The following NBEAL1 variants were observed in gnomAD, a reference collection of about 807,000 sequenced individuals.
NBEAL1 encodes neurobeachin-like protein 1.
NBEAL1 carries 273 observed loss-of-function variants against 351.3 expected under a neutral mutation model. The ratio of observed to expected loss-of-function variants is 0.78; its 90% CI spans 0.70 to 0.86. The LOEUF is 0.86. NBEAL1 is among the 40% of genes least tolerant of loss of function. The probability of loss-of-function intolerance (pLI) is 0.00; values close to 1 mark genes in which losing one functional copy is unlikely to be tolerated. For missense variants in NBEAL1, 2,961 were observed against 3,201.3 expected, an observed-to-expected ratio of 0.92 and a Z score of 1.81; for synonymous variants, 1,050 against 1,086.4, an observed-to-expected ratio of 0.97 and a Z score of 0.66.
intron 18 of NBEAL1, 91 bp downstream of exon 18, chr2:203,116,161 A>G: frequency 1.1e-6 from 1 of 877,236 alleles, no homozygotes; most frequent in Non-Finnish European, 1.8e-6. Context: ...TCATTGGGTA[A>G]TTAAAAGGAG....
intron 16 of NBEAL1, 27 bp downstream of exon 16, chr2:203,112,125 G>A (rs1574985482): frequency 2.6e-6 from 4 of 1,532,300 alleles, no homozygotes; most frequent in Middle Eastern, 1.7e-4. Flanking sequence ...TACTCTTTAC[G>A]GGCCCTATTG....
intron 46 of NBEAL1, among the ~76,000 whole-genome samples, chr2:203,192,961 T>G (rs1195099757): frequency 7.9e-6 from 1 of 127,110 alleles, no homozygotes; most frequent in Non-Finnish European, 1.7e-5. Context: ...TTTTCTTTCT[T>G]TCTTTTTTTT....
At chr2:203,166,332 C>A in intron 37 of NBEAL1, 35 bp downstream of exon 37, 2 of 1,572,200 alleles carry the variant, frequency 1.3e-6, no homozygotes, top group South Asian at 2.4e-5. Flanking sequence ...TTTTGCTGTT[C>A]AATAATTAAG....
intron 29 of NBEAL1, among the ~76,000 whole-genome samples, chr2:203,137,189 A>C (rs1424331572): frequency 6.6e-6 from 1 of 152,212 alleles, no homozygotes; most frequent in Non-Finnish European, 1.5e-5. Flanking sequence ...TCCAACCCAC[A>C]GGTTGCAGGC....
chr2:203,120,632 A>G (rs1242292629), intron 18 of NBEAL1, among the ~76,000 whole-genome samples: 1 of 152,232 alleles, frequency 6.6e-6, no homozygotes, highest in African/African-American at 2.4e-5. Flanking sequence ...AGGTCACATT[A>G]GAGCAAACCT....
At chr2:203,046,585 G>A (rs1264739368) in intron 3 of NBEAL1, among the ~76,000 whole-genome samples, 1 of 152,076 alleles carries the variant, frequency 6.6e-6, no homozygotes, top group Non-Finnish European at 1.5e-5. Flanking sequence ...TAAGACACCA[G>A]CAGATTTGGT....
chr2:203,073,574 G>A (rs918799258), intron 7 of NBEAL1, among the ~76,000 whole-genome samples: 1 of 152,072 alleles, frequency 6.6e-6, no homozygotes, highest in South Asian at 2.1e-4. Context: ...CCAGGGGTTC[G>A]GGGCTATAGT....
intron 20 of NBEAL1, 52 bp from the exon 21 acceptor site, chr2:203,125,908 T>C: frequency 7.1e-7 from 1 of 1,412,544 alleles, no homozygotes; most frequent in Non-Finnish European, 9.4e-7. Flanking sequence ...GAAAATGTGA[T>C]ATAAAAGTGA....
intron 10 of NBEAL1, among the ~76,000 whole-genome samples, chr2:203,094,150 A>G (rs985315467): frequency 6.6e-6 from 1 of 152,214 alleles, no homozygotes; most frequent in East Asian, 1.9e-4. Flanking sequence ...CCCTAAGTCC[A>G]TTGTAATATA....
chr2:203,191,112 C>T (rs1357987771), intron 46 of NBEAL1: 3 of 1,597,428 alleles, frequency 1.9e-6, no homozygotes, highest in Non-Finnish European at 2.5e-6. Flanking sequence ...AGATCGTCAA[C>T]ATTGTTCGAC....
Position 203,169,815 on chromosome 2 carries a change from A to C in NBEAL1, c.6066A>C (p.Ser2022=), listed in dbSNP as rs2064263299. 6.2e-7 allele frequency: 1 copy of C among 1,609,558 alleles called. No individual in the cohort carries two copies. Among genetic ancestry groups the C allele is most frequent in the East Asian group, 2.2e-5 (1 of 44,650 alleles). ...CAAATAGTTATTATGGAAGCAGATC[A>C]CCACAGGAGTTATTCAAAGCATCAG... The part of the protein sequence containing the change: ...HSPNSYYGSR[S]PQELFKASGL... Residue 2022 remains serine, a synonymous_variant, in exon 39 of 56, where the codon TCA becomes TCC. Transcript: ENST00000683969.
At chr2:203,102,444 G>T (rs1371413317) in intron 12 of NBEAL1, among the ~76,000 whole-genome samples, 1 of 152,188 alleles carries the variant, frequency 6.6e-6, no homozygotes, top group African/African-American at 2.4e-5. Context: ...TTGGCTGTGG[G>T]TTTGTCATAG....
At chr2:203,120,896 T>C (rs1045562973) in intron 18 of NBEAL1, among the ~76,000 whole-genome samples, 1 of 152,216 alleles carries the variant, frequency 6.6e-6, no homozygotes, top group African/African-American at 2.4e-5. Context: ...TTTAAGTATT[T>C]GTTTGATTAA....
intron 19 of NBEAL1, among the ~76,000 whole-genome samples, chr2:203,123,576 C>T (rs538203808): frequency 2.6e-5 from 4 of 152,172 alleles, no homozygotes; most frequent in South Asian, 4.1e-4. Context: ...TCAGTTGATC[C>T]GCCCACCTTG....
chr2:203,145,596 G>A (rs548798874), intron 33 of NBEAL1, among the ~76,000 whole-genome samples: 16 of 152,102 alleles, frequency 1.1e-4, no homozygotes, highest in Middle Eastern at 6.8e-3. Flanking sequence ...TGAGGAGTTC[G>A]AGACCAGCCT....
intron 6 of NBEAL1, among the ~76,000 whole-genome samples, chr2:203,064,864 A>C (rs2061555748): frequency 6.6e-6 from 1 of 152,202 alleles, no homozygotes; most frequent in Non-Finnish European, 1.5e-5. Context: ...AATTTATTGA[A>C]GTTTATAACT....
chr2:203,213,294 A>G (rs1220864526), intron 54 of NBEAL1, among the ~76,000 whole-genome samples: 2 of 152,178 alleles, frequency 1.3e-5, no homozygotes, highest in Non-Finnish European at 2.9e-5. Context: ...GTTAGAAGAA[A>G]AATAGATGTC....
chr2:203,192,044 A>G (rs778516129), intron 46 of NBEAL1, among the ~76,000 whole-genome samples: 1 of 152,218 alleles, frequency 6.6e-6, no homozygotes, highest in Non-Finnish European at 1.5e-5. Context: ...GCTCTAACTT[A>G]TAGATGTACT....
rs1242649381 is a variant in NBEAL1 at position 203,062,416 on chromosome 2, A to G, written c.515+4963A>G. The G allele has an allele frequency of 1.5e-5, 6 of 402,844 alleles. No homozygotes were observed. In the Middle Eastern group the frequency reaches 1.1e-3, roughly 73 times the overall value. The allele number at this position is 402,844 out of a possible 1,614,324, so 25.0% of individuals were successfully genotyped here. ...TCACTGAGTCCATGTTCCAGCTTCC[A>G]GCATGCTCCAGCATCCTGCCCAGGG... On this transcript the variant is annotated intron_variant, in intron 6 of 55. Coordinates refer to ENST00000683969, the MANE Select transcript of NBEAL1 (RefSeq NM_001378026.1). The surrounding 1 kb of genome is among the most constrained non-coding windows in gnomAD (Gnocchi z 4.2).
Sources: gnomAD v4.1 joint callset for allele counts (sites outside exome capture counted in the v4.1 genomes callset) on GRCh38, gnomAD v4.1.1 for gene constraint, Gnocchi (gnomAD v3.1) non-coding constraint, MANE v1.5 for transcripts, NCBI Gene and HGNC (gene_info 2026-07-23, HGNC 2026-07-21) for gene names.